Variants in VTI1A observed in about 807,000 individuals in gnomAD.
The protein encoded by VTI1A is vesicle transport through interaction with t-SNAREs 1A.
A neutral mutation model predicts 34.9 loss-of-function variants in VTI1A; 22 were observed. The ratio of observed to expected loss-of-function variants is 0.63; its 90% confidence interval spans 0.45 to 0.90. The LOEUF (loss-of-function observed/expected upper bound fraction) is 0.90, where lower values mean the gene tolerates loss of function less well. VTI1A is among the 40% of genes least tolerant of loss of function. VTI1A has a pLI of 0.00. For synonymous variants in VTI1A, 87 were observed against 97.3 expected, an observed-to-expected ratio of 0.89 and a Z score of 0.62; for missense variants, 268 against 275.6, an observed-to-expected ratio of 0.97 and a Z score of 0.20.
At chr10:112,787,319 C>G (rs535945648) in intron 7 of VTI1A, among the ~76,000 whole-genome samples, 1 of 152,102 alleles carries the variant, frequency 6.6e-6, no homozygotes, top group African/African-American at 2.4e-5. Flanking sequence ...AAAAGTTTAT[C>G]AGTTTTGTTG....
intron 7 of VTI1A, among the ~76,000 whole-genome samples, chr10:112,722,846 A>G (rs866837785): frequency 2.0e-5 from 3 of 152,166 alleles, no homozygotes; most frequent in East Asian, 1.9e-4. Flanking sequence ...TAATCAGTCT[A>G]CTCTGAGCAT....
At chr10:112,564,525 C>G (rs966449816) in intron 5 of VTI1A, among the ~76,000 whole-genome samples, 1 of 151,558 alleles carries the variant, frequency 6.6e-6, no homozygotes, top group South Asian at 2.1e-4. Flanking sequence ...GATTACATTT[C>G]GCTTTGCAAC....
the VTI1A span, chr10:112,825,437 G>C: frequency 6.6e-6 from 1 of 152,280 alleles, no homozygotes; most frequent in Non-Finnish European, 1.5e-5. Context: ...GGGACTCTGC[G>C]GGGGTGAGCC....
chr10:112,617,918 G>A (rs1256435282), intron 5 of VTI1A, among the ~76,000 whole-genome samples: 1 of 152,134 alleles, frequency 6.6e-6, no homozygotes, highest in Non-Finnish European at 1.5e-5. Flanking sequence ...ACTTTGGGAG[G>A]CCGAGGTGGC....
At chr10:112,599,379 G>C (rs1301339318) in intron 5 of VTI1A, among the ~76,000 whole-genome samples, 1 of 152,162 alleles carries the variant, frequency 6.6e-6, no homozygotes, top group Non-Finnish European at 1.5e-5. Context: ...TTTTAAAATG[G>C]AACCAGGGCT....
At chr10:112,454,330 A>G (rs1402155294) in intron 1 of VTI1A, among the ~76,000 whole-genome samples, 1 of 152,208 alleles carries the variant, frequency 6.6e-6, no homozygotes, top group African/African-American at 2.4e-5. Context: ...GTCAGCACTA[A>G]GAACTTCTAT....
intron 7 of VTI1A, among the ~76,000 whole-genome samples, chr10:112,748,626 T>C (rs925841783): frequency 7.2e-6 from 1 of 138,480 alleles, no homozygotes; most frequent in Non-Finnish European, 1.6e-5. Context: ...AAACCTTTTT[T>C]TTTTTTTTTT....
chr10:112,821,758 C>T (rs950203785), downstream of VTI1A, among the ~76,000 whole-genome samples: 1 of 152,248 alleles, frequency 6.6e-6, no homozygotes, highest in Non-Finnish European at 1.5e-5. Flanking sequence ...CAAAATTCAA[C>T]AGACGTGCAT....
At chr10:112,513,101 G>A (rs1417798329) in intron 3 of VTI1A, among the ~76,000 whole-genome samples, 1 of 151,992 alleles carries the variant, frequency 6.6e-6, no homozygotes, top group Admixed American at 6.6e-5. Context: ...GATAGAGATT[G>A]CATTGAATCT....
chr10:112,808,786 G>C (rs186142191), intron 7 of VTI1A, among the ~76,000 whole-genome samples: 1 of 152,112 alleles, frequency 6.6e-6, no homozygotes, highest in African/African-American at 2.4e-5. Flanking sequence ...TCAGGAATCC[G>C]TCTCTTTTTC....
chr10:112,852,464 A>G, the VTI1A span, among the ~76,000 whole-genome samples: 1 of 152,214 alleles, frequency 6.6e-6, no homozygotes, highest in Non-Finnish European at 1.5e-5. Context: ...CCAGCAGGGC[A>G]TGAACCCTTT....
chr10:112,822,686 G>T (rs958885632), downstream of VTI1A, among the ~76,000 whole-genome samples: 2 of 152,142 alleles, frequency 1.3e-5, no homozygotes, highest in African/African-American at 2.4e-5. Context: ...CCCTTCCAGA[G>T]CTCTACACTG....
chr10:112,839,320 G>A, the VTI1A span, among the ~76,000 whole-genome samples: 14 of 152,200 alleles, frequency 9.2e-5, no homozygotes, highest in Admixed American at 9.2e-4. Flanking sequence ...CAGTGATGGG[G>A]GTGGGGTCCC....
chr10:112,451,745 G>T (rs1847247323), intron 1 of VTI1A, among the ~76,000 whole-genome samples: 2 of 151,846 alleles, frequency 1.3e-5, no homozygotes, highest in Non-Finnish European at 2.9e-5. Flanking sequence ...ATACTTCTGT[G>T]ATTCTCTCTT....
intron 7 of VTI1A, among the ~76,000 whole-genome samples, chr10:112,806,812 C>T (rs946675955): frequency 2.0e-5 from 3 of 152,022 alleles, no homozygotes; most frequent in Non-Finnish European, 2.9e-5. Context: ...GTCTCAAACT[C>T]CTAAGCTCAA....
intron 7 of VTI1A, among the ~76,000 whole-genome samples, chr10:112,784,377 A>G (rs1564924180): frequency 6.6e-6 from 1 of 152,224 alleles, no homozygotes; most frequent in Non-Finnish European, 1.5e-5. Context: ...AATTGCCTAT[A>G]TGATAGGGCA....
intron 5 of VTI1A, among the ~76,000 whole-genome samples, chr10:112,602,774 TG>T (rs1181472180): frequency 6.6e-6 from 1 of 152,246 alleles, no homozygotes; most frequent in Non-Finnish European, 1.5e-5. Flanking sequence ...GAGTTCAAGC[TG>T]GTTCACATCA....
chr10:112,745,333 A>G (rs1036548361), intron 7 of VTI1A, among the ~76,000 whole-genome samples: 1 of 152,044 alleles, frequency 6.6e-6, no homozygotes, highest in African/African-American at 2.4e-5. Flanking sequence ...TCAAATGAAC[A>G]TATCTCTCAC....
At chr10:112,522,844 C>G (rs1456854783) in intron 3 of VTI1A, among the ~76,000 whole-genome samples, 1 of 152,080 alleles carries the variant, frequency 6.6e-6, no homozygotes, top group African/African-American at 2.4e-5. Context: ...CATTATAAAT[C>G]TATTTACAAT....
Sources: gnomAD v4.1 joint callset for allele counts (sites outside exome capture counted in the v4.1 genomes callset) on GRCh38, gnomAD v4.1.1 for gene constraint, MANE v1.5 for transcripts, NCBI Gene and HGNC (gene_info 2026-07-23, HGNC 2026-07-21) for gene names.